The following KCNIP4 variants were observed in gnomAD, a reference collection of about 807,000 sequenced individuals.
KCNIP4 encodes the protein potassium voltage-gated channel interacting protein 4.
KCNIP4 carries 12 observed loss-of-function variants against 34.0 expected under a neutral mutation model. The ratio of observed to expected loss-of-function variants is 0.35; its 90% confidence interval spans 0.23 to 0.57. The LOEUF (loss-of-function observed/expected upper bound fraction) is 0.57, where lower values mean the gene tolerates loss of function less well. Among genes scored for constraint, KCNIP4 ranks in the 20% least tolerant of loss-of-function variants. KCNIP4 has a pLI of 0.83. For missense variants in KCNIP4, 238 were observed against 311.7 expected (o/e 0.76, Z 1.78); for synonymous variants, 124 against 102.2 (o/e 1.21, Z -1.29).
intron 3 of KCNIP4, among the ~76,000 whole-genome samples, chr4:20,798,685 G>T (rs767328273): frequency 3.9e-5 from 6 of 152,060 alleles, no homozygotes; most frequent in Non-Finnish European, 7.4e-5. Context: ...AAGATACCTC[G>T]CCTCCGCCAC....
At chr4:20,867,338 T>C (rs1041419296) in intron 2 of KCNIP4, among the ~76,000 whole-genome samples, 1 of 151,784 alleles carries the variant, frequency 6.6e-6, no homozygotes, top group Non-Finnish European at 1.5e-5. Context: ...CCTAGACCAA[T>C]GAAACAGAAT....
Position 20,937,222 on chromosome 4 carries a change from C to CTTTTTTTTTTTTTTTTTTTTT in KCNIP4, c.62-54534_62-54514dup, listed in dbSNP as rs397992488. On this transcript the variant is annotated intron_variant, in intron 1 of 8. Transcript: ENST00000382152. ...TGAGCAAAAGGTGCCCCCAAGGAGT[C>CTTTTTTTTTTTTTTTTTTTTT]TTTTTTTTTTTTTTTTTTTTTTTTT... is the stretch of plus-strand genomic sequence containing the variant. Among the ~76,000 whole-genome samples, 8 of 45,530 alleles carry CTTTTTTTTTTTTTTTTTTTTT rather than the reference C, an allele frequency of 1.8e-4. 1 individual carries two copies. The highest frequency in any genetic ancestry group is 2.6e-4 in the Non-Finnish European group (6 of 23,516). 29.9% of individuals were successfully genotyped at this position (45,530 alleles called of 152,430 possible).
At chr4:21,533,418 T>C (rs372589774) in intron 1 of KCNIP4, among the ~76,000 whole-genome samples, 3 of 152,220 alleles carry the variant, frequency 2.0e-5, no homozygotes, top group East Asian at 3.9e-4. Flanking sequence ...GAGTCAAATA[T>C]AGATGACACC....
intron 1 of KCNIP4, among the ~76,000 whole-genome samples, chr4:21,435,554 T>C (rs955827109): frequency 1.3e-5 from 2 of 152,120 alleles, no homozygotes; most frequent in African/African-American, 4.8e-5. Flanking sequence ...GCAAAGAGAA[T>C]AGAAAAGAAA....
At chr4:21,740,737 A>G (rs1056315647) in intron 1 of KCNIP4, among the ~76,000 whole-genome samples, 1 of 152,170 alleles carries the variant, frequency 6.6e-6, no homozygotes, top group Non-Finnish European at 1.5e-5. Context: ...AAATAAAATC[A>G]TGAATGAAAA....
At chr4:21,823,441 T>TACA (rs1273811002) in intron 1 of KCNIP4, among the ~76,000 whole-genome samples, 1 of 151,022 alleles carries the variant, frequency 6.6e-6, no homozygotes, top group East Asian at 2.0e-4. Context: ...TTCAAAGAAA[T>TACA]ACAAGCTTTC....
At chr4:21,626,275 G>T (rs754158788) in intron 1 of KCNIP4, among the ~76,000 whole-genome samples, 52 of 152,032 alleles carry the variant, frequency 3.4e-4, no homozygotes, top group Non-Finnish European at 5.7e-4. Flanking sequence ...GTGATGGTAC[G>T]TGGAGATGAA....
chr4:21,244,836 C>T (rs1379739378), intron 1 of KCNIP4, among the ~76,000 whole-genome samples: 1 of 152,132 alleles, frequency 6.6e-6, no homozygotes, highest in Non-Finnish European at 1.5e-5. Flanking sequence ...ATAATTAAAG[C>T]TTACATCTCA....
At chr4:20,994,902 T>C (rs375936096) in intron 1 of KCNIP4, among the ~76,000 whole-genome samples, 184 of 152,248 alleles carry the variant, frequency 1.2e-3, no homozygotes, top group African/African-American at 4.3e-3. Flanking sequence ...GCAATTAAAC[T>C]CTAGGAAATG....
chr4:21,408,993 A>AT (rs1724238989), intron 1 of KCNIP4, among the ~76,000 whole-genome samples: 1 of 152,186 alleles, frequency 6.6e-6, no homozygotes, highest in South Asian at 2.1e-4. Context: ...GGCACTTTAA[A>AT]TGTGGCCAAT....
intron 1 of KCNIP4, among the ~76,000 whole-genome samples, chr4:21,511,277 T>G (rs1734291335): frequency 6.6e-6 from 1 of 152,140 alleles, no homozygotes; most frequent in Non-Finnish European, 1.5e-5. Flanking sequence ...AGGATATAGC[T>G]ATCACTTTTG....
chr4:21,306,715 T>C (rs1712501900), intron 1 of KCNIP4, among the ~76,000 whole-genome samples: 1 of 152,226 alleles, frequency 6.6e-6, no homozygotes, highest in Admixed American at 6.5e-5. Context: ...CAGTGAACTC[T>C]GCAGAGCCCT....
At chr4:20,731,891 G>A (rs1748342607) in intron 8 of KCNIP4, 115 bp downstream of exon 8, 1 of 1,482,666 alleles carries the variant, frequency 6.7e-7, no homozygotes, top group African/African-American at 1.4e-5. Context: ...TGTAGAAGTG[G>A]TAAACTTAGG....
At position 21,482,198 on chromosome 4, in the gene KCNIP4, C is replaced by T. The variant is rs991719341; in HGVS notation, c.61+466373G>A. Among the ~76,000 whole-genome samples the T allele has an allele frequency of 1.1e-4, 17 of 152,104 alleles. No homozygotes were observed. The East Asian group carries it at 2.1e-3, about 19-fold the overall frequency. On this transcript the variant is annotated intron_variant, in intron 1 of 8. Coordinates refer to ENST00000382152, the MANE Select transcript of KCNIP4 (RefSeq NM_025221.6). Reference sequence around the variant, plus strand: ...CCTCCATCCCTTTATTTTGAGCCTACGTGTGTCTCTGCACGTGAGATGGGT... The same window carrying T: ...CCTCCATCCCTTTATTTTGAGCCTATGTGTGTCTCTGCACGTGAGATGGGT...
intron 1 of KCNIP4, among the ~76,000 whole-genome samples, chr4:21,439,804 G>A (rs544247140): frequency 1.3e-5 from 2 of 152,322 alleles, no homozygotes; most frequent in Non-Finnish European, 1.5e-5. Flanking sequence ...CATGTCATTA[G>A]CTTCCTTCAA....
chr4:21,655,406 G>A (rs1747842588), intron 1 of KCNIP4, among the ~76,000 whole-genome samples: 1 of 151,900 alleles, frequency 6.6e-6, no homozygotes, highest in African/African-American at 2.4e-5. Flanking sequence ...TTACAAGCAG[G>A]GAGAGACCAC....
At chr4:21,678,612 C>T (rs1313921537) in intron 1 of KCNIP4, among the ~76,000 whole-genome samples, 3 of 152,204 alleles carry the variant, frequency 2.0e-5, no homozygotes, top group Admixed American at 6.5e-5. Flanking sequence ...AACTGACATG[C>T]TTTCTGCTTC....
chr4:21,098,847 G>T (rs185675091), intron 1 of KCNIP4, among the ~76,000 whole-genome samples: 2 of 152,050 alleles, frequency 1.3e-5, no homozygotes, highest in Non-Finnish European at 2.9e-5. Flanking sequence ...CATTTATGTG[G>T]CCAACAAACA....
chr4:20,911,287 G>T (rs184579765), intron 1 of KCNIP4, among the ~76,000 whole-genome samples: 1 of 152,066 alleles, frequency 6.6e-6, no homozygotes, highest in African/African-American at 2.4e-5. Context: ...TTCAATAAGT[G>T]CCCAGTTTAC....
Sources: allele counts gnomAD v4.1 joint callset (sites outside exome capture counted in the v4.1 genomes callset), GRCh38; gene constraint gnomAD v4.1.1; transcripts MANE v1.5; gene names NCBI Gene and HGNC (gene_info 2026-07-23, HGNC 2026-07-21).